Variants in MAP3K20 observed in about 807,000 individuals in gnomAD.
The protein encoded by MAP3K20 is mitogen-activated protein kinase kinase kinase 20.
A neutral mutation model predicts 85.7 loss-of-function variants in MAP3K20; 40 were observed. The ratio of observed to expected loss-of-function variants is 0.47; its 90% CI spans 0.36 to 0.61. MAP3K20 has a LOEUF of 0.61. Among genes scored for constraint, MAP3K20 ranks in the 20% least tolerant of loss-of-function variants. The pLI, the probability that MAP3K20 is intolerant of heterozygous loss-of-function variation, is 0.00. For missense variants in MAP3K20, 817 were observed against 961.7 expected (o/e 0.85, Z 1.99); for synonymous variants, 325 against 327.7 (o/e 0.99, Z 0.09).
At chr2:173,203,630 T>G (rs1683568626) in intron 8 of MAP3K20, among the ~76,000 whole-genome samples, 166 bp from the exon 9 acceptor site, 1 of 152,220 alleles carries the variant, frequency 6.6e-6, no homozygotes, top group South Asian at 2.1e-4. Context: ...AGATTACAGA[T>G]CTAAACATAA....
chr2:173,192,640 CCT>C (rs1690692480), intron 7 of MAP3K20, among the ~76,000 whole-genome samples: 1 of 152,146 alleles, frequency 6.6e-6, no homozygotes, highest in African/African-American at 2.4e-5. Context: ...AAACTGGTCT[CCT>C]ATGTCAAATG....
intron 2 of MAP3K20, among the ~76,000 whole-genome samples, chr2:173,092,595 G>A (rs1024097804): frequency 2.6e-5 from 4 of 152,142 alleles, no homozygotes; most frequent in African/African-American, 4.8e-5. Flanking sequence ...GACCAGGTAC[G>A]AAGAGAAAAC....
chr2:173,156,276 A>G (rs1276949222), intron 2 of MAP3K20, among the ~76,000 whole-genome samples: 1 of 152,170 alleles, frequency 6.6e-6, no homozygotes, highest in Non-Finnish European at 1.5e-5. Flanking sequence ...AAGCACTGTT[A>G]TTTTGGATCT....
intron 2 of MAP3K20, among the ~76,000 whole-genome samples, chr2:173,101,334 G>A (rs1164323455): frequency 2.0e-5 from 3 of 152,040 alleles, no homozygotes; most frequent in African/African-American, 7.2e-5. Flanking sequence ...TCAAAGCTTT[G>A]TTAGATAATA....
At chr2:173,229,601 G>T in intron 11 of MAP3K20, 88 bp from the exon 12 acceptor site, 1 of 1,560,552 alleles carries the variant, frequency 6.4e-7, no homozygotes, top group Non-Finnish European at 8.7e-7. Flanking sequence ...CAGCAGCTGA[G>T]AGCTGAAAGA....
intron 2 of MAP3K20, among the ~76,000 whole-genome samples, chr2:173,127,567 A>G (rs893293233): frequency 2.6e-5 from 4 of 152,250 alleles, no homozygotes; most frequent in African/African-American, 9.6e-5. Context: ...GTTAAAATAT[A>G]TTACATTTAC....
rs1685458852 is a variant in MAP3K20 at position 173,267,912 on chromosome 2, T to TG, written c.*1165dup. The TG allele has an allele frequency of 6.6e-6, 1 of 152,204 alleles. No individual in the cohort carries two copies. The highest frequency in any genetic ancestry group is 2.1e-4 in the South Asian group (1 of 4,838). 9.4% of individuals were successfully genotyped at this position (152,204 alleles called of 1,614,324 possible). A position where few individuals can be genotyped will look rare whatever the true frequency, so the allele number is the denominator to read the frequency against. ...TGTCTGCAGCTTAGGGCAGAAATGG[T>TG]GGGATCCAACTTGTGAAATGCTTCA... On this transcript the variant is annotated 3_prime_UTR_variant, in exon 20 of 20. Transcript: ENST00000375213.
intron 1 of MAP3K20, among the ~76,000 whole-genome samples, chr2:173,077,403 A>G (rs994385959): frequency 6.8e-6 from 1 of 146,460 alleles, no homozygotes; most frequent in Non-Finnish European, 1.5e-5. Context: ...AAAAAAAGTG[A>G]TGGCTGCATT....
intron 10 of MAP3K20, among the ~76,000 whole-genome samples, chr2:173,214,007 C>T (rs1683994067): frequency 6.6e-6 from 1 of 152,088 alleles, no homozygotes; most frequent in African/African-American, 2.4e-5. Flanking sequence ...TTAGAGTCAC[C>T]GTGATCACAG....
intron 17 of MAP3K20, among the ~76,000 whole-genome samples, chr2:173,259,248 A>G (rs1574166057): frequency 6.6e-6 from 1 of 152,260 alleles, no homozygotes; most frequent in East Asian, 1.9e-4. Flanking sequence ...GCACACAGTG[A>G]AGTCTTAATG....
chr2:173,215,419 T>C (rs1011174153), intron 10 of MAP3K20, among the ~76,000 whole-genome samples: 1 of 152,230 alleles, frequency 6.6e-6, no homozygotes, highest in African/African-American at 2.4e-5. Context: ...AAAACTTTGT[T>C]TACGTGCATA....
chr2:173,111,185 A>AT (rs1687964870), intron 2 of MAP3K20, among the ~76,000 whole-genome samples: 1 of 152,096 alleles, frequency 6.6e-6, no homozygotes, highest in Non-Finnish European at 1.5e-5. Flanking sequence ...ATCATTAGTG[A>AT]TGTTGAGCAT....
chr2:173,172,564 G>GGT (rs1343463272), intron 3 of MAP3K20, among the ~76,000 whole-genome samples: 3 of 151,924 alleles, frequency 2.0e-5, no homozygotes, highest in Non-Finnish European at 2.9e-5. Flanking sequence ...ATGATCTCTG[G>GGT]GTGTGTATGT....
chr2:173,264,606 A>C (rs1171011784), intron 19 of MAP3K20, among the ~76,000 whole-genome samples: 1 of 152,184 alleles, frequency 6.6e-6, no homozygotes, highest in Non-Finnish European at 1.5e-5. Context: ...TCTGACTTAA[A>C]CTAATTAAAG....
intron 2 of MAP3K20, among the ~76,000 whole-genome samples, chr2:173,134,393 C>CATACATAT (rs1553568203): frequency 8.1e-5 from 1 of 12,334 alleles, no homozygotes; most frequent in Non-Finnish European, 1.4e-4. Context: ...TGTCTCTATA[C>CATACATAT]ATATATATAT....
intron 16 of MAP3K20, among the ~76,000 whole-genome samples, chr2:173,257,646 T>G (rs1361740673): frequency 2.6e-5 from 4 of 152,226 alleles, no homozygotes; most frequent in African/African-American, 7.2e-5. Flanking sequence ...AAGTCTTTTT[T>G]CTTTTCTCTT....
chr2:173,178,191 A>C (rs1383618333), intron 3 of MAP3K20, among the ~76,000 whole-genome samples: 4 of 152,230 alleles, frequency 2.6e-5, no homozygotes, highest in African/African-American at 9.6e-5. Context: ...GAATGAAAGA[A>C]AGAGCAGTGC....
At chr2:173,247,883 T>G (rs1306575088) in intron 16 of MAP3K20, among the ~76,000 whole-genome samples, 1 of 152,136 alleles carries the variant, frequency 6.6e-6, no homozygotes, top group Non-Finnish European at 1.5e-5. Context: ...ACGGCTTTAC[T>G]GGGGCCTATG....
At chr2:173,145,852 C>T (rs1196203192) in intron 2 of MAP3K20, among the ~76,000 whole-genome samples, 1 of 151,952 alleles carries the variant, frequency 6.6e-6, no homozygotes, top group Non-Finnish European at 1.5e-5. Flanking sequence ...TTGAGAACAA[C>T]TCAAATATTA....
Sources: gnomAD v4.1 joint callset for allele counts (sites outside exome capture counted in the v4.1 genomes callset) on GRCh38, gnomAD v4.1.1 for gene constraint, MANE v1.5 for transcripts, NCBI Gene and HGNC (gene_info 2026-07-23, HGNC 2026-07-21) for gene names.